The following OGT variants were observed in gnomAD, a reference collection of about 807,000 sequenced individuals.
OGT encodes the protein O-linked N-acetylglucosamine (GlcNAc) transferase.
In OGT, 3 loss-of-function variants were observed where a neutral mutation model predicts 75.8. That is an observed-to-expected ratio of 0.04 (90% confidence interval 0.02 to 0.10). The LOEUF (loss-of-function observed/expected upper bound fraction) is 0.10, where lower values mean the gene tolerates loss of function less well. Among genes scored for constraint, OGT ranks in the 10% least tolerant of loss-of-function variants. OGT has a pLI of 1.00. For missense variants in OGT, 260 were observed against 824.4 expected, an observed-to-expected ratio of 0.32 and a Z score of 8.38; for synonymous variants, 257 against 289.7, an observed-to-expected ratio of 0.89 and a Z score of 1.15.
intron 21 of OGT, among the ~76,000 whole-genome samples, chrX:71,570,362 CT>C (rs1168509881): frequency 9.0e-6 from 1 of 111,534 alleles, no homozygotes; most frequent in Non-Finnish European, 1.9e-5. Flanking sequence ...TGAGGTTTTT[CT>C]TTCGGTATAA....
At chrX:71,541,087 T>G (rs2040215328) in intron 3 of OGT, among the ~76,000 whole-genome samples, 1 of 112,121 alleles carries the variant, frequency 8.9e-6, no homozygotes, top group Admixed American at 9.5e-5. Flanking sequence ...TTGCAAATTA[T>G]GTATAAAATT....
At chrX:71,538,383 T>C (rs955764524) in intron 3 of OGT, among the ~76,000 whole-genome samples, 15 of 112,485 alleles carry the variant, frequency 1.3e-4, no homozygotes, top group Non-Finnish European at 2.8e-4. Context: ...TAAATTCTGA[T>C]AAGTGTTTGC....
intron 21 of OGT, among the ~76,000 whole-genome samples, chrX:71,572,502 G>A (rs1366048550): frequency 1.8e-5 from 2 of 112,461 alleles, no homozygotes; most frequent in South Asian, 3.6e-4. Context: ...GCGTGGTGGC[G>A]CATGCCTATA....
chrX:71,575,019 G>T lies in OGT; in HGVS notation c.*1225G>T, dbSNP rs933311200. ...GATTCAGCCTCAGTAGTAGCGAACT[G>T]CACTGCTGTTTGGTTTGGAGTACAA... On this transcript the variant is annotated 3_prime_UTR_variant, in exon 22 of 22. Transcript: ENST00000373719. The T allele has an allele frequency of 9.0e-6, 1 of 111,556 alleles. No homozygotes were observed. The highest frequency in any genetic ancestry group is 1.9e-5 in the Non-Finnish European group (1 of 53,103). The allele number at this position is 111,556 out of a possible 1,213,427, so 9.2% of individuals were successfully genotyped here.
chrX:71,559,760 A>G, intron 14 of OGT, 83 bp downstream of exon 14: 1 of 736,144 alleles, frequency 1.4e-6, no homozygotes, highest in South Asian at 2.7e-5. Context: ...TTTTGATGAT[A>G]AGTATTAAAT....
chrX:71,563,313 T>C lies in OGT; in HGVS notation c.2266-16T>C, dbSNP rs770289462. 3 of 1,204,619 alleles carry C rather than the reference T, an allele frequency of 2.5e-6. No individual in the cohort carries two copies. The highest frequency in any genetic ancestry group is 4.4e-5 in the Admixed American group (2 of 45,394). On this transcript the variant is annotated splice_polypyrimidine_tract_variant and intron_variant, in intron 17 of 21. Coordinates refer to ENST00000373719, the MANE Select transcript of OGT (RefSeq NM_181672.3). ...GCATTCACGATCTTTTCCCTAATGA[T>C]GCATTTTTTTTTCAGATGAAGTGTC...
intron 1 of OGT, 144 bp from the exon 2 acceptor site, chrX:71,536,034 G>T (rs755846086): frequency 1.0e-4 from 43 of 423,599 alleles, no homozygotes; most frequent in Non-Finnish European, 1.6e-4. Flanking sequence ...TATACATAAC[G>T]TGCAGAACAC....
chrX:71,556,478 G>A (rs2040344412), intron 8 of OGT: 1 of 373,387 alleles, frequency 2.7e-6, no homozygotes, highest in Admixed American at 5.0e-5. Flanking sequence ...AAGAGGAGAA[G>A]AGGTGTACCT....
chrX:71,558,254 C>T (rs746753398), intron 12 of OGT, among the ~76,000 whole-genome samples: 1 of 109,528 alleles, frequency 9.1e-6, no homozygotes, highest in Non-Finnish European at 1.9e-5. Context: ...CCTGGCCAGC[C>T]ATCATGTTTA....
chrX:71,561,837 T>C lies in OGT; in HGVS notation c.1914T>C (p.Asn638=). Residue 638 remains asparagine, a synonymous_variant, in exon 15 of 22, where the codon AAT becomes AAC. Transcript: ENST00000373719. The part of the protein sequence containing the change: ...IHQDGIHILV[N]MNGYTKGARN... Reference sequence around the variant, plus strand: ...AGGATGGAATTCATATCCTTGTAAATATGAATGGCTATACTAAGGGCGCTC... The same window carrying C: ...AGGATGGAATTCATATCCTTGTAAACATGAATGGCTATACTAAGGGCGCTC... 8.3e-7 allele frequency: 1 copy of C among 1,207,043 alleles called. No individual in the cohort carries two copies. The highest frequency in any genetic ancestry group is 1.1e-6 in the Non-Finnish European group (1 of 892,482).
In OGT at chrX:71,536,377, C is replaced by T. The variant is rs2040175322; in HGVS notation, c.218+19C>T. The T allele has an allele frequency of 9.0e-7, 1 of 1,105,640 alleles. No homozygotes were observed. Among genetic ancestry groups the T allele is most frequent in the African/African-American group, 1.8e-5 (1 of 54,089 alleles). The allele number at this position is 1,105,640 out of a possible 1,213,427, so 91.1% of individuals were successfully genotyped here. A position where few individuals can be genotyped will look rare whatever the true frequency, so the allele number is the denominator to read the frequency against. ...TGGACAGGTAGGAGATGTTGGGGTA[C>T]CTGCTCGTGATTGCTGCCTCTGGGT... On this transcript the variant is annotated intron_variant, in intron 2 of 21. Transcript: ENST00000373719.
chrX:71,559,955 A>G (rs149729373), intron 14 of OGT, among the ~76,000 whole-genome samples: 2 of 111,452 alleles, frequency 1.8e-5, no homozygotes, highest in Non-Finnish European at 3.8e-5. Flanking sequence ...TATTGACAAA[A>G]TGGTGACTTG....
At chrX:71,537,734 T>C (rs2040189150) in intron 2 of OGT, 95 bp from the exon 3 acceptor site, 5 of 1,023,679 alleles carry the variant, frequency 4.9e-6, no homozygotes, top group Non-Finnish European at 6.7e-6. Context: ...TAATGAGCAA[T>C]AGCACAGATC....
chrX:71,537,898 G>T lies in OGT; in HGVS notation c.288G>T (p.Gly96=), dbSNP rs1476518894. Residue 96 remains glycine, a synonymous_variant, in exon 3 of 22, where the codon GGG becomes GGT. Transcript: ENST00000373719. The part of the protein sequence containing the change: ...PLLAEAYSNL[G]NVYKERGQLQ... Reference sequence around the variant, plus strand: ...TGGCAGAAGCTTATTCGAATTTGGGGAATGTGTACAAGGAAAGAGGGCAGT... The same window carrying T: ...TGGCAGAAGCTTATTCGAATTTGGGTAATGTGTACAAGGAAAGAGGGCAGT... 1 of 1,211,861 alleles carries T rather than the reference G, an allele frequency of 8.3e-7. No individual in the cohort carries two copies. The highest frequency in any genetic ancestry group is 1.1e-6 in the Non-Finnish European group (1 of 895,402).
chrX:71,571,097 C>G (rs1383947556), intron 21 of OGT, among the ~76,000 whole-genome samples: 2 of 109,978 alleles, frequency 1.8e-5, no homozygotes, highest in Non-Finnish European at 3.8e-5. Context: ...GACACTGCAC[C>G]CAGCCTGTGG....
Position 71,563,516 on chromosome X carries a change from A to T in OGT, c.2436+17A>T, listed in dbSNP as rs191361286. On this transcript the variant is annotated intron_variant, in intron 18 of 21. Coordinates refer to ENST00000373719, the MANE Select transcript of OGT (RefSeq NM_181672.3). Reference sequence around the variant, plus strand: ...ACTACTCAGGTGAGAAGATAATAATACACCATTATATGTCCCGCCAAGTAT... The same window carrying T: ...ACTACTCAGGTGAGAAGATAATAATTCACCATTATATGTCCCGCCAAGTAT... 3 of 1,140,099 alleles carry T rather than the reference A, an allele frequency of 2.6e-6. No individual in the cohort carries two copies. Among genetic ancestry groups the T allele is most frequent in the Non-Finnish European group, 2.4e-6 (2 of 842,992 alleles). The allele number at this position is 1,140,099 out of a possible 1,213,427, so 94.0% of individuals were successfully genotyped here. A position where few individuals can be genotyped will look rare whatever the true frequency, so the allele number is the denominator to read the frequency against.
Position 71,544,558 on chromosome X carries a change from G to T in OGT, c.463-9G>T. ...AGTATAATTAATGACAGCGTCTCTG[G>T]GTTTCTAGGATTTGTACTGTGTTCG... On this transcript the variant is annotated splice_polypyrimidine_tract_variant and intron_variant, in intron 3 of 21. Coordinates refer to ENST00000373719, the MANE Select transcript of OGT (RefSeq NM_181672.3). 1 of 1,205,940 alleles carries T rather than the reference G, an allele frequency of 8.3e-7. No homozygotes were observed. Among genetic ancestry groups the T allele is most frequent in the Admixed American group, 2.2e-5 (1 of 45,796 alleles).
chrX:71,544,716 G>A (rs2040247485), intron 4 of OGT, 81 bp downstream of exon 4: 1 of 780,372 alleles, frequency 1.3e-6, no homozygotes, highest in South Asian at 2.2e-5. Context: ...TCTTCATTGA[G>A]CTATCTTCAC....
chrX:71,570,338 G>A (rs1003697642), intron 21 of OGT, among the ~76,000 whole-genome samples: 2 of 111,462 alleles, frequency 1.8e-5, no homozygotes, highest in Non-Finnish European at 3.8e-5. Context: ...CGTGCCTGAC[G>A]GGTATTTCTT....
Sources: allele counts gnomAD v4.1 joint callset (sites outside exome capture counted in the v4.1 genomes callset), GRCh38; gene constraint gnomAD v4.1.1; transcripts MANE v1.5; gene names NCBI Gene and HGNC (gene_info 2026-07-23, HGNC 2026-07-21).